USP49: variants seen among roughly 807,000 people sequenced by gnomAD.
USP49 encodes ubiquitin carboxyl-terminal hydrolase 49.
In USP49, 24 loss-of-function variants were observed where a neutral mutation model predicts 58.6. The ratio of observed to expected loss-of-function variants is 0.41; its 90% CI spans 0.30 to 0.58. USP49 has a LOEUF of 0.58. Ranked by LOEUF, USP49 falls within the 20% of genes least tolerant of loss-of-function variation. The pLI is 0.30. For synonymous variants in USP49, 408 were observed against 365.1 expected (o/e 1.12, Z -1.34); for missense variants, 703 against 866.1 (o/e 0.81, Z 2.36).
At chr6:41,842,573 T>C (rs1195233506) in intron 3 of USP49, among the ~76,000 whole-genome samples, 1 of 152,096 alleles carries the variant, frequency 6.6e-6, no homozygotes. Flanking sequence ...TGTCAGTATA[T>C]GTCAAATGTG....
At chr6:41,802,407 T>TTTATTTTTTATTTTATTTTATTTTA (rs1313279388) in intron 5 of USP49, among the ~76,000 whole-genome samples, 1 of 76,100 alleles carries the variant, frequency 1.3e-5, no homozygotes. Context: ...TTTATTTTAT[T>TTTATTTTTTATTTTATTTTATTTTA]TTTTATTTTA....
chr6:41,886,220 G>A (rs1774708547), intron 2 of USP49, among the ~76,000 whole-genome samples: 1 of 152,128 alleles, frequency 6.6e-6, no homozygotes, highest in African/African-American at 2.4e-5. Context: ...ACATAAAAAA[G>A]GAGAGTTAAA....
intron 2 of USP49, among the ~76,000 whole-genome samples, chr6:41,876,561 G>C (rs897284256): frequency 2.0e-5 from 3 of 151,998 alleles, no homozygotes; most frequent in African/African-American, 4.8e-5. Context: ...CTACAGGTGC[G>C]TGCCACCACA....
In USP49 at chr6:41,825,393, C is replaced by T. The variant is rs562754839; in HGVS notation, c.-28-18382G>A. On this transcript the variant is annotated intron_variant, in intron 3 of 7. Coordinates refer to ENST00000682992, the MANE Select transcript of USP49 (RefSeq NM_001286554.2). ...CCTGAGATCCCACAGAAGGAAGTTC[C>T]GAGCCTTAAGGTTGTAATGGACACC... Among the ~76,000 whole-genome samples, 10 of 151,134 alleles carry T rather than the reference C, an allele frequency of 6.6e-5. No homozygotes were observed. In the South Asian group the frequency reaches 1.7e-3, roughly 25 times the overall value.
At chr6:41,875,892 C>T (rs946536526) in intron 2 of USP49, among the ~76,000 whole-genome samples, 38 of 152,102 alleles carry the variant, frequency 2.5e-4, no homozygotes, top group African/African-American at 8.4e-4. Context: ...CCACCACACC[C>T]GGCTAATTTT....
intron 3 of USP49, among the ~76,000 whole-genome samples, chr6:41,809,350 C>A (rs1488890165): frequency 6.6e-6 from 1 of 151,644 alleles, no homozygotes; most frequent in Non-Finnish European, 1.5e-5. Flanking sequence ...TGGTGAAACC[C>A]CATCTCTACT....
chr6:41,858,672 G>A (rs1774171092), intron 3 of USP49, among the ~76,000 whole-genome samples: 1 of 151,176 alleles, frequency 6.6e-6, no homozygotes, highest in Non-Finnish European at 1.5e-5. Context: ...TGCCTAGAAT[G>A]CTCTTCCCTC....
chr6:41,807,077 TAAAAAA>T (rs11393933), intron 3 of USP49, 66 bp from the exon 4 acceptor site: 21 of 1,041,084 alleles, frequency 2.0e-5, no homozygotes, highest in Non-Finnish European at 2.6e-5. Flanking sequence ...ATATTTTCCT[TAAAAAA>T]AAAAAAAAAA....
chr6:41,885,196 G>C (rs149778870), intron 2 of USP49, among the ~76,000 whole-genome samples: 1 of 152,180 alleles, frequency 6.6e-6, no homozygotes, highest in Non-Finnish European at 1.5e-5. Flanking sequence ...GGCTGCCAAC[G>C]TAGGTGTTGT....
chr6:41,834,093 A>G (rs1169555016), intron 3 of USP49, among the ~76,000 whole-genome samples: 1 of 152,236 alleles, frequency 6.6e-6, no homozygotes, highest in Non-Finnish European at 1.5e-5. Context: ...GTAGGCAACT[A>G]AAGGAAATTT....
chr6:41,881,879 T>C (rs983315808), intron 2 of USP49, among the ~76,000 whole-genome samples: 5 of 152,210 alleles, frequency 3.3e-5, no homozygotes, highest in South Asian at 4.1e-4. Flanking sequence ...ATGTTCATTC[T>C]TTCATACTCA....
intron 3 of USP49, among the ~76,000 whole-genome samples, chr6:41,831,414 A>T (rs1773631940): frequency 6.6e-6 from 1 of 150,796 alleles, no homozygotes. Flanking sequence ...AATAAAAATA[A>T]ATAAAAATAC....
intron 3 of USP49, among the ~76,000 whole-genome samples, chr6:41,861,701 C>T (rs865917833): frequency 2.6e-5 from 4 of 151,488 alleles, no homozygotes; most frequent in Admixed American, 2.6e-4. Flanking sequence ...TCTGGCTTTA[C>T]GTCACTCTTT....
chr6:41,825,487 C>T (rs745815498), intron 3 of USP49, among the ~76,000 whole-genome samples: 3 of 151,914 alleles, frequency 2.0e-5, no homozygotes, highest in Non-Finnish European at 4.4e-5. Flanking sequence ...TCTCACTGAC[C>T]TCATAATTTT....
chr6:41,798,983 G>C, intron 6 of USP49, 54 bp from the exon 7 acceptor site: 1 of 1,564,804 alleles, frequency 6.4e-7, no homozygotes, highest in Non-Finnish European at 8.6e-7. Context: ...TATAATCGTA[G>C]GTAGAGGTAG....
At chr6:41,863,933 ATTT>A (rs35693450) in intron 3 of USP49, among the ~76,000 whole-genome samples, 1 of 137,664 alleles carries the variant, frequency 7.3e-6, no homozygotes. Flanking sequence ...AATTTTTGTA[ATTT>A]TTTTTTTTTT....
intron 3 of USP49, among the ~76,000 whole-genome samples, chr6:41,818,523 G>A (rs543099953): frequency 6.6e-6 from 1 of 152,296 alleles, no homozygotes; most frequent in Non-Finnish European, 1.5e-5. Context: ...CTACAACCTG[G>A]TGAGGCCATT....
At chr6:41,800,028 C>G in intron 5 of USP49, 90 bp from the exon 6 acceptor site, 2 of 1,131,016 alleles carry the variant, frequency 1.8e-6, no homozygotes, top group Non-Finnish European at 2.6e-6. Context: ...AATATGCATT[C>G]TCCATATTTC....
In USP49 at chr6:41,792,131, C is replaced by T. The variant is rs1171195414; in HGVS notation, c.*4402G>A. ...GCAGTGAAGAGACTGGGTCTTAGCACCTTCCACATTCACTCAGCGCCATCT... is the reference window on the plus strand; with the variant it reads ...GCAGTGAAGAGACTGGGTCTTAGCATCTTCCACATTCACTCAGCGCCATCT... On this transcript the variant is annotated 3_prime_UTR_variant, in exon 8 of 8. Coordinates refer to ENST00000682992, the MANE Select transcript of USP49 (RefSeq NM_001286554.2). 6.6e-6 allele frequency: 1 copy of T among 152,244 alleles called. No homozygotes were observed. The highest frequency in any genetic ancestry group is 2.4e-5 in the African/African-American group (1 of 41,432). 9.4% of individuals were successfully genotyped at this position (152,244 alleles called of 1,614,324 possible).
Sources: gnomAD v4.1 joint callset for allele counts (sites outside exome capture counted in the v4.1 genomes callset) on GRCh38, gnomAD v4.1.1 for gene constraint, MANE v1.5 for transcripts, NCBI Gene and HGNC (gene_info 2026-07-23, HGNC 2026-07-21) for gene names.